PDLIM5: variants seen among roughly 807,000 people sequenced by gnomAD.
The protein encoded by PDLIM5 is PDZ and LIM domain protein 5.
PDLIM5 carries 34 observed loss-of-function variants against 64.2 expected under a neutral mutation model. The observed-to-expected ratio is 0.53, with a 90% CI of 0.40 to 0.71. The LOEUF is 0.71. Among genes scored for constraint, PDLIM5 ranks in the 30% least tolerant of loss-of-function variants. The probability of loss-of-function intolerance (pLI) is 0.00; values close to 1 mark genes in which losing one functional copy is unlikely to be tolerated. For synonymous variants in PDLIM5, 253 were observed against 269.1 expected (o/e 0.94, Z 0.59); for missense variants, 683 against 733.6 (o/e 0.93, Z 0.80).
At chr4:94,607,516 A>T (rs1270739728) in intron 7 of PDLIM5, among the ~76,000 whole-genome samples, 2 of 152,220 alleles carry the variant, frequency 1.3e-5, no homozygotes, top group Admixed American at 1.3e-4. Flanking sequence ...CAGATAAAAT[A>T]GTTTGTTTAC....
chr4:94,602,159 G>T (rs988048910), intron 7 of PDLIM5, among the ~76,000 whole-genome samples: 2 of 152,082 alleles, frequency 1.3e-5, no homozygotes, highest in Non-Finnish European at 2.9e-5. Context: ...TTCAAGGTTT[G>T]TGAATTTTTC....
intron 2 of PDLIM5, among the ~76,000 whole-genome samples, chr4:94,522,165 T>C (rs1423945204): frequency 2.0e-5 from 3 of 152,158 alleles, no homozygotes; most frequent in African/African-American, 7.2e-5. Flanking sequence ...AATACAGTAA[T>C]AGCTAACATT....
At chr4:94,589,208 C>A (rs1736485085) in intron 7 of PDLIM5, among the ~76,000 whole-genome samples, 2 of 152,054 alleles carry the variant, frequency 1.3e-5, no homozygotes, top group South Asian at 4.2e-4. Context: ...CACCAAGAAT[C>A]CAATTTCTAG....
intron 3 of PDLIM5, among the ~76,000 whole-genome samples, chr4:94,537,203 A>G (rs1731394140): frequency 6.6e-6 from 1 of 152,150 alleles, no homozygotes; most frequent in African/African-American, 2.4e-5. Context: ...AGTAAAATTC[A>G]CAGGGAATAA....
chr4:94,585,898 A>G (rs1015749211), intron 6 of PDLIM5, among the ~76,000 whole-genome samples, 161 bp downstream of exon 6: 3 of 152,212 alleles, frequency 2.0e-5, no homozygotes, highest in African/African-American at 7.2e-5. Context: ...CAGGCCGGGC[A>G]CAGTGGCTCA....
rs924980146 is a variant in PDLIM5 at position 94,550,892 on chromosome 4, CTG to C, written c.249-22458_249-22457del. ...TTTCTTTGAAATATACTCACCTAAA[CTG>C]GGGTTGAGGTCTGTATGGCAATAAA... On this transcript the variant is annotated intron_variant, in intron 3 of 12. Coordinates refer to ENST00000317968, the MANE Select transcript of PDLIM5 (RefSeq NM_006457.5). 9.9e-5 allele frequency among the ~76,000 whole-genome samples: 15 copies of C among 152,124 alleles called. 1 individual carries two copies. The highest frequency in any genetic ancestry group is 3.9e-4 in the Admixed American group (6 of 15,270).
chr4:94,541,901 C>G (rs1415300259), intron 3 of PDLIM5, among the ~76,000 whole-genome samples: 1 of 152,200 alleles, frequency 6.6e-6, no homozygotes, highest in African/African-American at 2.4e-5. Context: ...ACCTTCTGTC[C>G]TCAGGTGTGG....
intron 2 of PDLIM5, among the ~76,000 whole-genome samples, chr4:94,465,910 TTGTGTATGTG>T (rs113372168): frequency 0.024 from 3,630 of 151,896 alleles, 122 homozygotes; most frequent in African/African-American, 0.077. Context: ...ATTTGTGTGT[TTGTGTATGTG>T]TGTGTATGTG....
At chr4:94,572,075 T>G (rs1462088150) in intron 3 of PDLIM5, among the ~76,000 whole-genome samples, 3 of 152,194 alleles carry the variant, frequency 2.0e-5, no homozygotes, top group Non-Finnish European at 2.9e-5. Context: ...ATTATTAGAT[T>G]ATACTCATAG....
At chr4:94,460,789 T>G (rs975536637) in intron 2 of PDLIM5, among the ~76,000 whole-genome samples, 5 of 152,234 alleles carry the variant, frequency 3.3e-5, no homozygotes, top group Non-Finnish European at 7.3e-5. Context: ...GACTTGGATT[T>G]AAATCTTAGC....
Position 94,640,418 on chromosome 4 carries a change from T to G in PDLIM5, c.1251T>G (p.Thr417=). 1 of 1,607,780 alleles carries G rather than the reference T, an allele frequency of 6.2e-7. No individual in the cohort carries two copies. The highest frequency in any genetic ancestry group is 8.5e-7 in the Non-Finnish European group (1 of 1,176,654). Residue 417 remains threonine, a synonymous_variant, in exon 9 of 13, where the codon ACT becomes ACG. Coordinates refer to ENST00000317968, the MANE Select transcript of PDLIM5 (RefSeq NM_006457.5). Reference sequence around the variant, plus strand: ...AGCACATTCCAGCAGGGAAACGAACTCCGATGTGCGCCCATTGTAACCAGG... The same window carrying G: ...AGCACATTCCAGCAGGGAAACGAACGCCGATGTGCGCCCATTGTAACCAGG... The part of the protein sequence containing the change: ...RAEHIPAGKR[T]PMCAHCNQVI...
chr4:94,495,692 G>A (rs549589294), intron 2 of PDLIM5, among the ~76,000 whole-genome samples: 1 of 152,294 alleles, frequency 6.6e-6, no homozygotes, highest in South Asian at 2.1e-4. Context: ...ACCATTCCAG[G>A]GAGGGAGGAG....
At chr4:94,523,442 A>G (rs1730008218) in intron 2 of PDLIM5, among the ~76,000 whole-genome samples, 1 of 152,204 alleles carries the variant, frequency 6.6e-6, no homozygotes, top group Admixed American at 6.5e-5. Context: ...AAATCACACA[A>G]CTACTGTTGC....
intron 1 of PDLIM5, among the ~76,000 whole-genome samples, chr4:94,454,886 G>A (rs866732897): frequency 3.9e-5 from 6 of 152,154 alleles, no homozygotes; most frequent in Non-Finnish European, 7.4e-5. Flanking sequence ...GAGGGAAGGA[G>A]AAAATTATTC....
At chr4:94,578,296 G>A (rs896005997) in intron 5 of PDLIM5, among the ~76,000 whole-genome samples, 1 of 152,014 alleles carries the variant, frequency 6.6e-6, no homozygotes, top group Non-Finnish European at 1.5e-5. Flanking sequence ...ACTGAAACTA[G>A]GCAGTATTAT....
intron 9 of PDLIM5, among the ~76,000 whole-genome samples, chr4:94,651,727 G>A (rs1741859010): frequency 1.3e-5 from 2 of 152,162 alleles, no homozygotes; most frequent in Non-Finnish European, 2.9e-5. Context: ...CTGAGGAAAA[G>A]CATAATAGTT....
chr4:94,652,358 G>T (rs1191576528), intron 9 of PDLIM5, among the ~76,000 whole-genome samples: 5 of 152,170 alleles, frequency 3.3e-5, no homozygotes, highest in Non-Finnish European at 7.4e-5. Flanking sequence ...AAACCCCAAA[G>T]CTCTACCATG....
intron 11 of PDLIM5, among the ~76,000 whole-genome samples, chr4:94,660,414 A>G (rs367569716): frequency 6.6e-6 from 1 of 152,074 alleles, no homozygotes; most frequent in East Asian, 1.9e-4. Context: ...CATTGCAACT[A>G]TTACCTCTTC....
chr4:94,640,171 C>A, intron 8 of PDLIM5, 105 bp from the exon 9 acceptor site: 2 of 558,236 alleles, frequency 3.6e-6, no homozygotes, highest in Non-Finnish European at 3.0e-6. Flanking sequence ...GAGTGAATAA[C>A]AAGTGAATAG....
Sources: allele counts gnomAD v4.1 joint callset (sites outside exome capture counted in the v4.1 genomes callset), GRCh38; gene constraint gnomAD v4.1.1; transcripts MANE v1.5; gene names NCBI Gene and HGNC (gene_info 2026-07-23, HGNC 2026-07-21).